The following TUBGCP6 variants were observed in gnomAD, a reference collection of about 807,000 sequenced individuals.
TUBGCP6 encodes tubulin gamma complex component 6, also known as gamma-tubulin complex component 6.
TUBGCP6 carries 161 observed loss-of-function variants against 175.8 expected under a neutral mutation model. That is an observed-to-expected ratio of 0.92 (90% confidence interval 0.81 to 1.04). The LOEUF (loss-of-function observed/expected upper bound fraction) is 1.04, where lower values mean the gene tolerates loss of function less well. TUBGCP6 is among the 50% of genes least tolerant of loss of function. The pLI, the probability that TUBGCP6 is intolerant of heterozygous loss-of-function variation, is 0.00. For synonymous variants in TUBGCP6, 1,173 were observed against 1,030.5 expected (o/e 1.14, Z -2.65); for missense variants, 2,572 against 2,433.0 (o/e 1.06, Z -1.20).
In TUBGCP6 at chr22:50,220,419, C is replaced by A. The variant is rs144848522; in HGVS notation, c.3940G>T (p.Val1314Leu). 24 of 1,607,038 alleles carry A rather than the reference C, an allele frequency of 1.5e-5. No homozygotes were observed. Among genetic ancestry groups the A allele is most frequent in the African/African-American group, 2.7e-5 (2 of 74,876 alleles). ...SALSLGAQST[V>L]LDCGPRLPVE... is the part of the protein sequence containing the mutation. ...GGCAGCCGTGGCCCACAGTCCAGCA[C>A]AGTGCTCTGTGCTCCCAGGCTGAGC... is the stretch of plus-strand genomic sequence containing the variant. Residue 1314 changes from valine to leucine, a missense_variant, in exon 16 of 25, where the codon GTG (valine) becomes TTG (leucine). Val to Leu is a conservative substitution (Grantham distance 32). Transcript: ENST00000248846.
rs2064458035 is a variant in TUBGCP6 at position 50,218,568 on chromosome 22, C to A, written c.4874G>T (p.Ser1625Ile). The A allele has an allele frequency of 6.2e-7, 1 of 1,613,828 alleles. No homozygotes were observed. Among genetic ancestry groups the A allele is most frequent in the Middle Eastern group, 1.6e-4 (1 of 6,062 alleles). ...VITEGCVSKYSGVFSFLLQLK... is the reference protein window; with the variant it reads ...VITEGCVSKYIGVFSFLLQLK... ...CTGCAGCAGGAAGGAGAAGACGCCG[C>A]TGTACTTGCTCACGCAGCCCTCGGT... The change falls in exon 22 of 25, where the codon AGC (serine) becomes ATC (isoleucine). Residue 1625 changes from serine to isoleucine, a missense_variant. Transcript: ENST00000248846.
rs1254161113 is a variant in TUBGCP6, at chr22:50,222,030, G to A, written c.2482C>T (p.Gln828Ter). 1 of 1,613,874 alleles carries A rather than the reference G, an allele frequency of 6.2e-7. No homozygotes were observed. Among genetic ancestry groups the A allele is most frequent in the South Asian group, 1.1e-5 (1 of 91,072 alleles). The change falls in exon 15 of 25, where the codon CAG becomes TAG. Residue 828 changes from glutamine (Q) to a stop codon, truncating the protein, a stop_gained and splice_region_variant. Coordinates refer to ENST00000248846, the MANE Select transcript of TUBGCP6 (RefSeq NM_020461.4). LOFTEE classifies it high-confidence loss of function. ...PPDVLLSVHP[Q>*]VTSPGPEHPE... is the part of the protein sequence containing the mutation. The stretch of plus-strand genomic sequence containing the variant: ...CTGGGTTCCACTCTGCCGCTTACCT[G>A]GGGGTGCACGCTCAAGAGGACGTCT...
Position 50,240,207 on chromosome 22 carries a change from C to A in TUBGCP6, c.902G>T (p.Gly301Val), listed in dbSNP as rs2147213616. ...CAAGGCAAAGAAGGGCACACACCAG[C>A]CAACTCGCTCCCAGCACCTCCGCTT... is the stretch of plus-strand genomic sequence containing the variant. Reference protein sequence around the residue: ...ASKRRCWERVGCPPGHREEPY... With the variant: ...ASKRRCWERVVCPPGHREEPY... The change falls in exon 2 of 25, where the codon GGC becomes GTC. Residue 301 changes from glycine (G) to valine (V), a missense_variant. Gly to Val is a moderately radical substitution (Grantham distance 109). Transcript: ENST00000248846. 2 of 1,613,700 alleles carry A rather than the reference C, an allele frequency of 1.2e-6. No individual in the cohort carries two copies. Among genetic ancestry groups the A allele is most frequent in the Admixed American group, 1.7e-5 (1 of 60,026 alleles).
intron 5 of TUBGCP6, among the ~76,000 whole-genome samples, chr22:50,227,298 A>G (rs1427249375): frequency 6.6e-6 from 1 of 151,850 alleles, no homozygotes; most frequent in East Asian, 1.9e-4. Context: ...CACCCCACTG[A>G]AGTACCCACA....
At position 50,221,567 on chromosome 22, in the gene TUBGCP6, G is replaced by T. The variant is rs151259239; in HGVS notation, c.2792C>A (p.Pro931His). ...TGCGGGTGCCTCCCCAGGAGCTGAG[G>T]GGGGCAGGTCCAAGTTAATGGTCTG... ...ALQTINLDLP[P>H]SAPGEAPAAA... The change falls in exon 16 of 25, where the codon CCC becomes CAC. Residue 931 changes from proline (P) to histidine (H), a missense_variant. Coordinates refer to ENST00000248846, the MANE Select transcript of TUBGCP6 (RefSeq NM_020461.4). 3.1e-6 allele frequency: 5 copies of T among 1,588,358 alleles called. No individual in the cohort carries two copies. In the East Asian group the frequency reaches 9.0e-5, roughly 29 times the overall value.
In TUBGCP6 at chr22:50,221,628, G is replaced by A; in HGVS notation, c.2731C>T (p.Gln911Ter). 1 of 1,538,208 alleles carries A rather than the reference G, an allele frequency of 6.5e-7. No individual in the cohort carries two copies. The highest frequency in any genetic ancestry group is 8.8e-7 in the Non-Finnish European group (1 of 1,141,870). ...PVGPGAEPSV[Q>*]TGMVPLLEVA... is the part of the protein sequence containing the mutation. ...TCCAGGAGAGGGACCATGCCAGTCT[G>A]CACGGACGGCTCAGCCCCTGGGCCC... The change falls in exon 16 of 25, where the codon CAG becomes TAG. Residue 911 changes from glutamine to a stop codon, truncating the protein, a stop_gained. Coordinates refer to ENST00000248846, the MANE Select transcript of TUBGCP6 (RefSeq NM_020461.4). LOFTEE classifies it high-confidence loss of function.
intron 3 of TUBGCP6, among the ~76,000 whole-genome samples, chr22:50,231,939 G>C (rs2064699546): frequency 6.6e-6 from 1 of 152,114 alleles, no homozygotes; most frequent in African/African-American, 2.4e-5. Context: ...GAAAAGTAGG[G>C]GCCGGGCGTG....
At chr22:50,225,707 A>G in intron 10 of TUBGCP6, 87 bp downstream of exon 10, 1 of 1,496,668 alleles carries the variant, frequency 6.7e-7, no homozygotes, top group South Asian at 1.3e-5. Flanking sequence ...CATCTTGCAC[A>G]GCCCTCATGT....
In TUBGCP6 at chr22:50,220,410, A is replaced by G. The variant is rs774824924; in HGVS notation, c.3949T>C (p.Cys1317Arg). 3 of 1,584,050 alleles carry G rather than the reference A, an allele frequency of 1.9e-6. No individual in the cohort carries two copies. Among genetic ancestry groups the G allele is most frequent in the African/African-American group, 2.7e-5 (2 of 74,316 alleles). Reference protein sequence around the residue: ...SLGAQSTVLDCGPRLPVEVGP... With the variant: ...SLGAQSTVLDRGPRLPVEVGP... ...ACTTCTACAGGCAGCCGTGGCCCAC[A>G]GTCCAGCACAGTGCTCTGTGCTCCC... The change falls in exon 16 of 25, where the codon TGT (cysteine) becomes CGT (arginine). Residue 1317 changes from cysteine (C) to arginine (R), a missense_variant. Transcript: ENST00000248846.
intron 1 of TUBGCP6, among the ~76,000 whole-genome samples, chr22:50,241,983 C>CA (rs55647714): frequency 0.038 from 3,535 of 92,552 alleles, 816 homozygotes; most frequent in African/African-American, 0.13. Flanking sequence ...GACTCCATCT[C>CA]AAAAAAAAAA....
chr22:50,243,212 G>A (rs1046738596), intron 1 of TUBGCP6, among the ~76,000 whole-genome samples: 5 of 152,204 alleles, frequency 3.3e-5, no homozygotes, highest in African/African-American at 7.2e-5. Context: ...CACTTTGGGA[G>A]GCCGAGGCAG....
chr22:50,228,673 C>G (rs540862868), intron 4 of TUBGCP6, among the ~76,000 whole-genome samples: 219 of 152,232 alleles, frequency 1.4e-3, no homozygotes, highest in African/African-American at 5.1e-3. Flanking sequence ...TCAAGTCCCC[C>G]GGGGCTGAGC....
chr22:50,244,800 A>G lies in TUBGCP6; in HGVS notation c.-341T>C. 1 of 284,342 alleles carries G rather than the reference A, an allele frequency of 3.5e-6. No individual in the cohort carries two copies. Among genetic ancestry groups the G allele is most frequent in the South Asian group, 4.9e-5 (1 of 20,428 alleles). 17.6% of individuals were successfully genotyped at this position (284,342 alleles called of 1,614,324 possible). A position where few individuals can be genotyped will look rare whatever the true frequency, so the allele number is the denominator to read the frequency against. ...AACGAAACGCGCGCCCGCGCAGTAC[A>G]GCGGACGAACTCGGCTTTGCACCCG... On this transcript the variant is annotated 5_prime_UTR_variant, in exon 1 of 25. Coordinates refer to ENST00000248846, the MANE Select transcript of TUBGCP6 (RefSeq NM_020461.4).
At chr22:50,222,841 C>T (rs569136875) in intron 13 of TUBGCP6, 36 of 493,528 alleles carry the variant, frequency 7.3e-5, no homozygotes, top group South Asian at 3.4e-4. Flanking sequence ...GCAACATCTG[C>T]TGGACAAATA....
intron 20 of TUBGCP6, 54 bp downstream of exon 20, chr22:50,219,014 C>CT: frequency 1.2e-6 from 2 of 1,604,730 alleles, no homozygotes; most frequent in South Asian, 1.1e-5. Flanking sequence ...GCCAGTCTCT[C>CT]TTTTCCCACG....
Position 50,219,376 on chromosome 22 carries a change from C to T in TUBGCP6, c.4396G>A (p.Ala1466Thr), listed in dbSNP as rs2064475563. 6 of 1,581,004 alleles carry T rather than the reference C, an allele frequency of 3.8e-6. No individual in the cohort carries two copies. Among genetic ancestry groups the T allele is most frequent in the Non-Finnish European group, 5.2e-6 (6 of 1,164,472 alleles). The change falls in exon 19 of 25, where the codon GCC becomes ACC. Residue 1466 changes from alanine (A) to threonine (T), a missense_variant. Coordinates refer to ENST00000248846, the MANE Select transcript of TUBGCP6 (RefSeq NM_020461.4). ...AGCTGCACAGCAGTCTCATCAGCGGCAGACTGGACCTGGGGGTCCACGGGG... is the reference window on the plus strand; with the variant it reads ...AGCTGCACAGCAGTCTCATCAGCGGTAGACTGGACCTGGGGGTCCACGGGG... ...AFPVDPQVQSAADETAVQLSE... is the reference protein window; with the variant it reads ...AFPVDPQVQSTADETAVQLSE...
chr22:50,227,870 G>C, intron 5 of TUBGCP6, 37 bp downstream of exon 5: 1 of 1,559,980 alleles, frequency 6.4e-7, no homozygotes, highest in South Asian at 1.2e-5. Flanking sequence ...CACCGCTCCC[G>C]CAAAGTCCCC....
intron 4 of TUBGCP6, among the ~76,000 whole-genome samples, chr22:50,228,324 AGGG>A: frequency 7.2e-6 from 1 of 138,588 alleles, no homozygotes; most frequent in African/African-American, 2.6e-5. Flanking sequence ...CAGCTGCCCC[AGGG>A]GCGCCCACCA....
chr22:50,218,666 C>T lies in TUBGCP6; in HGVS notation c.4821+37G>A, dbSNP rs760576687. The T allele has an allele frequency of 3.7e-6, 6 of 1,613,566 alleles. No homozygotes were observed. In the Admixed American group the frequency reaches 6.7e-5, roughly 18 times the overall value. On this transcript the variant is annotated intron_variant, in intron 21 of 24. Coordinates refer to ENST00000248846, the MANE Select transcript of TUBGCP6 (RefSeq NM_020461.4). ...GCAGGCATCCCACAGGCAGGCAGGC[C>T]CCTGTCCCATCCCCCGCGGCCAGGG...
Sources: allele counts gnomAD v4.1 joint callset (sites outside exome capture counted in the v4.1 genomes callset), GRCh38; gene constraint gnomAD v4.1.1; transcripts MANE v1.5; gene names NCBI Gene and HGNC (gene_info 2026-07-23, HGNC 2026-07-21).